Variants in VWC2 observed in about 807,000 individuals in gnomAD.
VWC2 encodes the protein von Willebrand factor C domain containing 2, also known as brorin.
A neutral mutation model predicts 29.8 loss-of-function variants in VWC2; 14 were observed. The ratio of observed to expected loss-of-function variants is 0.47; its 90% CI spans 0.31 to 0.74. The LOEUF (loss-of-function observed/expected upper bound fraction) is 0.74, where lower values mean the gene tolerates loss of function less well. Ranked by LOEUF, VWC2 falls within the 30% of genes least tolerant of loss-of-function variation. VWC2 has a pLI of 0.05. For synonymous variants in VWC2, 213 were observed against 199.0 expected, an observed-to-expected ratio of 1.07 and a Z score of -0.59; for missense variants, 457 against 459.8, an observed-to-expected ratio of 0.99 and a Z score of 0.05.
chr7:49,815,661 G>C (rs1202583678), intron 3 of VWC2, among the ~76,000 whole-genome samples: 4 of 152,126 alleles, frequency 2.6e-5, no homozygotes, highest in Non-Finnish European at 5.9e-5. Context: ...CCCTTGATGT[G>C]AAAACCAATG....
chr7:49,784,245 C>G (rs2128702151), intron 2 of VWC2, among the ~76,000 whole-genome samples: 1 of 152,368 alleles, frequency 6.6e-6, no homozygotes, highest in Admixed American at 6.5e-5. Context: ...ATGTACACTG[C>G]ATCCATTACA....
At chr7:49,885,120 A>G (rs185810682) in intron 3 of VWC2, among the ~76,000 whole-genome samples, 1 of 152,118 alleles carries the variant, frequency 6.6e-6, no homozygotes, top group African/African-American at 2.4e-5. Context: ...GGGTTCACTA[A>G]AAGTATCTCT....
At chr7:49,841,414 G>C (rs1789790510) in intron 3 of VWC2, among the ~76,000 whole-genome samples, 1 of 151,992 alleles carries the variant, frequency 6.6e-6, no homozygotes, top group Admixed American at 6.5e-5. Flanking sequence ...CATAGTGGAG[G>C]AATTAAATGA....
chr7:49,804,833 A>G (rs1168991480), intron 3 of VWC2, among the ~76,000 whole-genome samples: 4 of 152,236 alleles, frequency 2.6e-5, no homozygotes, highest in South Asian at 2.1e-4. Context: ...CAACACCATC[A>G]ATATATTTAC....
rs184032143 is a variant in VWC2, at chr7:49,882,853, T to G, written c.827-29181T>G. ...ATCTTCTATTTTTTGTGTTTTTGGG[T>G]TTTTTTTGTTTTTGTTGTTGTTGTT... On this transcript the variant is annotated intron_variant, in intron 3 of 3. Coordinates refer to ENST00000340652, the MANE Select transcript of VWC2 (RefSeq NM_198570.5). Among the ~76,000 whole-genome samples the G allele has an allele frequency of 4.7e-4, 71 of 151,562 alleles. 4 individuals carry two copies. The South Asian group carries it at 0.012, about 25-fold the overall frequency.
chr7:49,776,985 G>A (rs1788068669), intron 2 of VWC2, among the ~76,000 whole-genome samples: 1 of 152,202 alleles, frequency 6.6e-6, no homozygotes, highest in African/African-American at 2.4e-5. Flanking sequence ...TACTCTACTT[G>A]AACCAAAAGC....
At chr7:49,796,267 C>A (rs530477049) in intron 2 of VWC2, among the ~76,000 whole-genome samples, 1 of 152,322 alleles carries the variant, frequency 6.6e-6, no homozygotes, top group African/African-American at 2.4e-5. Context: ...ATCTATGAAA[C>A]CATTACAATT....
intron 3 of VWC2, among the ~76,000 whole-genome samples, chr7:49,865,554 T>A (rs1460464363): frequency 6.6e-6 from 1 of 152,170 alleles, no homozygotes; most frequent in Non-Finnish European, 1.5e-5. Context: ...TAACTCATAA[T>A]CCTCCACATA....
chr7:49,822,598 C>A (rs1789287579), intron 3 of VWC2, among the ~76,000 whole-genome samples: 1 of 152,136 alleles, frequency 6.6e-6, no homozygotes, highest in Non-Finnish European at 1.5e-5. Flanking sequence ...ACCACCACAC[C>A]CAGCTAGTTT....
At chr7:49,829,158 C>T (rs1789469140) in intron 3 of VWC2, among the ~76,000 whole-genome samples, 1 of 152,168 alleles carries the variant, frequency 6.6e-6, no homozygotes, top group Admixed American at 6.6e-5. Context: ...TATTGTACCT[C>T]AACTTTCTGT....
At chr7:49,908,899 T>G (rs1156401671) in intron 3 of VWC2, among the ~76,000 whole-genome samples, 1 of 152,176 alleles carries the variant, frequency 6.6e-6, no homozygotes, top group Admixed American at 6.5e-5. Context: ...AAATAAAGAT[T>G]TTATATTCTA....
At chr7:49,864,314 G>A (rs1337907367) in intron 3 of VWC2, among the ~76,000 whole-genome samples, 2 of 152,174 alleles carry the variant, frequency 1.3e-5, no homozygotes, top group East Asian at 1.9e-4. Context: ...CTGCAGAATT[G>A]TTCTGTGCTT....
chr7:49,877,088 G>C (rs1791442204), intron 3 of VWC2, among the ~76,000 whole-genome samples: 1 of 152,128 alleles, frequency 6.6e-6, no homozygotes, highest in African/African-American at 2.4e-5. Flanking sequence ...GAAAGATGCT[G>C]TAGTGGTGTG....
At chr7:49,894,344 CG>C (rs1341008627) in intron 3 of VWC2, among the ~76,000 whole-genome samples, 2 of 152,120 alleles carry the variant, frequency 1.3e-5, no homozygotes, top group African/African-American at 4.8e-5. Flanking sequence ...TTTGTAGAGA[CG>C]GGGTTTTGAA....
intron 2 of VWC2, among the ~76,000 whole-genome samples, chr7:49,798,585 CAG>C (rs1425144450): frequency 6.6e-6 from 1 of 152,172 alleles, no homozygotes; most frequent in Non-Finnish European, 1.5e-5. Flanking sequence ...GGGCACCAAA[CAG>C]AGCCCTGTGT....
intron 2 of VWC2, among the ~76,000 whole-genome samples, chr7:49,789,045 AGT>A (rs1562705149): frequency 3.3e-5 from 4 of 119,648 alleles, no homozygotes; most frequent in African/African-American, 9.4e-5. Context: ...TGCATGTGTG[AGT>A]GTGGGTGTAT....
chr7:49,831,273 G>A (rs1002595338), intron 3 of VWC2, among the ~76,000 whole-genome samples: 6 of 152,054 alleles, frequency 3.9e-5, no homozygotes, highest in Admixed American at 3.3e-4. Context: ...ATTTTGATGC[G>A]GATTTTGTTT....
At chr7:49,797,562 C>G (rs1366042597) in intron 2 of VWC2, among the ~76,000 whole-genome samples, 3 of 152,210 alleles carry the variant, frequency 2.0e-5, no homozygotes, top group African/African-American at 4.8e-5. Flanking sequence ...AGTGCATCAG[C>G]TTGGAGACCC....
intron 3 of VWC2, among the ~76,000 whole-genome samples, chr7:49,863,114 G>T (rs1583701680): frequency 6.6e-6 from 1 of 152,190 alleles, no homozygotes; most frequent in East Asian, 1.9e-4. Context: ...TTTGTTGGGA[G>T]GTTTTGGATT....
Sources: allele counts gnomAD v4.1 joint callset (sites outside exome capture counted in the v4.1 genomes callset), GRCh38; gene constraint gnomAD v4.1.1; transcripts MANE v1.5; gene names NCBI Gene and HGNC (gene_info 2026-07-23, HGNC 2026-07-21).